Variants in CAMK1D observed in about 807,000 individuals in gnomAD.
CAMK1D encodes calcium/calmodulin dependent protein kinase ID.
A neutral mutation model predicts 47.7 loss-of-function variants in CAMK1D; 9 were observed. The ratio of observed to expected loss-of-function variants is 0.19; its 90% CI spans 0.11 to 0.33. The LOEUF (loss-of-function observed/expected upper bound fraction) is 0.33, where lower values mean the gene tolerates loss of function less well. Ranked by LOEUF, CAMK1D falls within the 10% of genes least tolerant of loss-of-function variation. CAMK1D has a pLI of 1.00. For missense variants in CAMK1D, 291 were observed against 488.7 expected (o/e 0.60, Z 3.81); for synonymous variants, 184 against 184.9 (o/e 0.99, Z 0.04).
chr10:12,723,888 T>C (rs1202306616), intron 3 of CAMK1D, among the ~76,000 whole-genome samples: 1 of 152,172 alleles, frequency 6.6e-6, no homozygotes, highest in Non-Finnish European at 1.5e-5. Flanking sequence ...TAGGTTTATC[T>C]CCTAATGCTA....
intron 2 of CAMK1D, among the ~76,000 whole-genome samples, chr10:12,595,504 C>T (rs985951052): frequency 3.3e-5 from 5 of 152,082 alleles, no homozygotes; most frequent in African/African-American, 1.2e-4. Flanking sequence ...GGGCCTGGTC[C>T]CTGGGACCTT....
intron 2 of CAMK1D, among the ~76,000 whole-genome samples, chr10:12,622,512 C>T (rs551505523): frequency 6.6e-6 from 1 of 152,088 alleles, no homozygotes; most frequent in East Asian, 1.9e-4. Context: ...CATCATGTTA[C>T]ATTTGGGATG....
At chr10:12,487,212 G>T (rs528298117) in intron 1 of CAMK1D, among the ~76,000 whole-genome samples, 18 of 151,916 alleles carry the variant, frequency 1.2e-4, no homozygotes, top group Non-Finnish European at 2.2e-4. Context: ...GCTGTCCCTC[G>T]CATTATGTTC....
chr10:12,463,529 T>C (rs932116625), intron 1 of CAMK1D, among the ~76,000 whole-genome samples: 1 of 152,230 alleles, frequency 6.6e-6, no homozygotes, highest in African/African-American at 2.4e-5. Flanking sequence ...GTGGTTTGTT[T>C]ATAATGCAAC....
Position 12,509,235 on chromosome 10 carries a change from C to T in CAMK1D, c.93-43990C>T, listed in dbSNP as rs967324888. 2.0e-5 allele frequency among the ~76,000 whole-genome samples: 3 copies of T among 152,208 alleles called. No individual in the cohort carries two copies. In the South Asian group the frequency reaches 6.2e-4, roughly 31 times the overall value. ...TGGCTTTGCTGAGGTCTGATCTCTA[C>T]CCTGCTCCAGGCTTCTAATACAGCC... On this transcript the variant is annotated intron_variant, in intron 1 of 10. Coordinates refer to ENST00000619168, the MANE Select transcript of CAMK1D (RefSeq NM_153498.4).
chr10:12,585,966 C>T (rs2132348813), intron 2 of CAMK1D, among the ~76,000 whole-genome samples: 1 of 152,280 alleles, frequency 6.6e-6, no homozygotes, highest in African/African-American at 2.4e-5. Flanking sequence ...TGAAGGTCAG[C>T]AGTGGCAGGT....
chr10:12,668,612 A>C (rs1258444037), intron 3 of CAMK1D, among the ~76,000 whole-genome samples: 2 of 152,212 alleles, frequency 1.3e-5, no homozygotes, highest in East Asian at 3.8e-4. Context: ...TCACAATATT[A>C]GGTCTTCAGT....
In CAMK1D at chr10:12,816,336, A is replaced by G. The variant is rs1203798932; in HGVS notation, c.833+8A>G. The G allele has an allele frequency of 1.2e-6, 2 of 1,611,950 alleles. No individual in the cohort carries two copies. The highest frequency in any genetic ancestry group is 3.3e-5 in the Admixed American group (2 of 59,842). ...GGCAGCTCGGCACCCATGGTAAGGA[A>G]ATGCACCCGCTCAGCAGACCGTGCC... is the stretch of plus-strand genomic sequence containing the variant. On this transcript the variant is annotated splice_region_variant and intron_variant, in intron 8 of 10. Coordinates refer to ENST00000619168, the MANE Select transcript of CAMK1D (RefSeq NM_153498.4).
chr10:12,393,029 T>TC lies in CAMK1D; in HGVS notation c.92+43119_92+43120insC, dbSNP rs200768726. 2.6e-3 allele frequency among the ~76,000 whole-genome samples: 387 copies of TC among 146,614 alleles called. 8 individuals carry two copies. The East Asian group carries it at 0.06, about 23-fold the overall frequency. On this transcript the variant is annotated intron_variant, in intron 1 of 10. Coordinates refer to ENST00000619168, the MANE Select transcript of CAMK1D (RefSeq NM_153498.4). ...TCATGAATGGATCTGAAACATAACT[T>TC]TTTTTTTTTTTTTCTTTTTTGAGAC...
chr10:12,696,936 C>G (rs1474358370), intron 3 of CAMK1D, among the ~76,000 whole-genome samples: 1 of 152,106 alleles, frequency 6.6e-6, no homozygotes, highest in African/African-American at 2.4e-5. Flanking sequence ...CTGCCTGGAT[C>G]CTTTCAAAGT....
intron 5 of CAMK1D, among the ~76,000 whole-genome samples, chr10:12,788,690 G>A (rs532958757): frequency 6.6e-6 from 1 of 152,304 alleles, no homozygotes; most frequent in East Asian, 1.9e-4. Flanking sequence ...CATTAACTGT[G>A]GTAAATGTGG....
At chr10:12,501,570 A>G (rs975548831) in intron 1 of CAMK1D, among the ~76,000 whole-genome samples, 1 of 152,232 alleles carries the variant, frequency 6.6e-6, no homozygotes, top group African/African-American at 2.4e-5. Context: ...AAAGAAATGA[A>G]GAATGTGGAC....
intron 2 of CAMK1D, among the ~76,000 whole-genome samples, chr10:12,601,749 A>G (rs1838310654): frequency 6.6e-6 from 1 of 152,242 alleles, no homozygotes; most frequent in African/African-American, 2.4e-5. Flanking sequence ...GACATGAGCC[A>G]TCGTGCCCAG....
chr10:12,700,493 TA>T (rs1227452478), intron 3 of CAMK1D, among the ~76,000 whole-genome samples: 1 of 152,134 alleles, frequency 6.6e-6, no homozygotes, highest in Non-Finnish European at 1.5e-5. Flanking sequence ...ATGTGGGAAT[TA>T]AAGGGAACTA....
At chr10:12,546,026 C>T (rs552457579) in intron 1 of CAMK1D, among the ~76,000 whole-genome samples, 1 of 152,254 alleles carries the variant, frequency 6.6e-6, no homozygotes, top group Non-Finnish European at 1.5e-5. Context: ...ACAGATGAGC[C>T]TGCGAAGTTG....
At chr10:12,706,903 ATCAGC>A (rs200341491) in intron 3 of CAMK1D, among the ~76,000 whole-genome samples, 2,201 of 152,310 alleles carry the variant, frequency 0.014, 41 homozygotes, top group African/African-American at 0.05. Flanking sequence ...AAACAGATAT[ATCAGC>A]ATGATGGCCA....
At chr10:12,728,377 T>C (rs1834750067) in intron 3 of CAMK1D, among the ~76,000 whole-genome samples, 2 of 152,352 alleles carry the variant, frequency 1.3e-5, no homozygotes, top group East Asian at 1.9e-4. Flanking sequence ...GTTACATCGG[T>C]ACAAACATTC....
chr10:12,521,124 C>G (rs1451223368), intron 1 of CAMK1D, among the ~76,000 whole-genome samples: 2 of 152,160 alleles, frequency 1.3e-5, no homozygotes, highest in Admixed American at 6.5e-5. Flanking sequence ...TTCATTGATT[C>G]CTGTTCTTAT....
chr10:12,352,326 T>G (rs1837377553), intron 1 of CAMK1D, among the ~76,000 whole-genome samples: 1 of 152,144 alleles, frequency 6.6e-6, no homozygotes, highest in African/African-American at 2.4e-5. Context: ...GAAAACATAA[T>G]GGGCTGGGCG....
Sources: gnomAD v4.1 joint callset for allele counts (sites outside exome capture counted in the v4.1 genomes callset) on GRCh38, gnomAD v4.1.1 for gene constraint, MANE v1.5 for transcripts, NCBI Gene and HGNC (gene_info 2026-07-23, HGNC 2026-07-21) for gene names.